Variants in CNTN5 observed in about 807,000 individuals in gnomAD.
CNTN5 encodes the protein contactin 5, also known as contactin-5.
CNTN5 carries 77 observed loss-of-function variants against 129.1 expected under a neutral mutation model. The ratio of observed to expected loss-of-function variants is 0.60; its 90% CI spans 0.50 to 0.72. The LOEUF (loss-of-function observed/expected upper bound fraction) is 0.72, where lower values mean the gene tolerates loss of function less well. Ranked by LOEUF, CNTN5 falls within the 30% of genes least tolerant of loss-of-function variation. CNTN5 has a pLI of 0.00. For missense variants in CNTN5, 1,478 were observed against 1,328.8 expected, an observed-to-expected ratio of 1.11 and a Z score of -1.75; for synonymous variants, 509 against 465.6, an observed-to-expected ratio of 1.09 and a Z score of -1.20.
chr11:99,787,758 A>G lies in CNTN5; in HGVS notation c.56-31786A>G, dbSNP rs376168506. Among the ~76,000 whole-genome samples the G allele has an allele frequency of 1.8e-4, 28 of 152,160 alleles. No individual in the cohort carries two copies. The South Asian group carries it at 5.4e-3, about 29-fold the overall frequency. On this transcript the variant is annotated intron_variant, in intron 3 of 24. Transcript: ENST00000524871. ...CCAGAACCAGAAAAAAATATATCAGACATGTGCTATACATATAATTAAGCC... is the reference window on the plus strand; with the variant it reads ...CCAGAACCAGAAAAAAATATATCAGGCATGTGCTATACATATAATTAAGCC...
chr11:99,414,143 C>G (rs758842434), intron 2 of CNTN5, among the ~76,000 whole-genome samples: 1 of 152,146 alleles, frequency 6.6e-6, no homozygotes, highest in African/African-American at 2.4e-5. Context: ...ATCAGGAAAC[C>G]TGTTATATAT....
At chr11:99,921,144 T>C (rs1332910827) in intron 7 of CNTN5, among the ~76,000 whole-genome samples, 2 of 152,178 alleles carry the variant, frequency 1.3e-5, no homozygotes, top group Non-Finnish European at 2.9e-5. Flanking sequence ...GTTTAAGTCA[T>C]CCAGTCTGTG....
chr11:99,716,956 A>G (rs1352798573), intron 3 of CNTN5, among the ~76,000 whole-genome samples: 1 of 152,110 alleles, frequency 6.6e-6, no homozygotes, highest in Non-Finnish European at 1.5e-5. Flanking sequence ...CAGGGGAGCA[A>G]CTAAGTGAAT....
At chr11:100,026,137 T>C (rs938944635) in intron 9 of CNTN5, among the ~76,000 whole-genome samples, 1 of 152,132 alleles carries the variant, frequency 6.6e-6, no homozygotes, top group African/African-American at 2.4e-5. Flanking sequence ...AACTGAATCA[T>C]TGAGGACCAT....
chr11:99,138,427 G>C lies in CNTN5; in HGVS notation c.-210+117157G>C, dbSNP rs150216177. Among the ~76,000 whole-genome samples the C allele has an allele frequency of 8.0e-3, 1,217 of 152,208 alleles. 10 individuals are homozygous for C. The highest frequency in any genetic ancestry group is 0.013 in the Non-Finnish European group (892 of 67,990). On this transcript the variant is annotated intron_variant, in intron 1 of 24. Transcript: ENST00000524871. Reference sequence around the variant, plus strand: ...TGGGAGTGAGTGATTTTTAAAAATGGTATGTATAAACCCAGGTGCATTTTT... The same window carrying C: ...TGGGAGTGAGTGATTTTTAAAAATGCTATGTATAAACCCAGGTGCATTTTT...
At chr11:99,303,442 C>G (rs1864731792) in intron 1 of CNTN5, among the ~76,000 whole-genome samples, 1 of 150,888 alleles carries the variant, frequency 6.6e-6, no homozygotes, top group South Asian at 2.1e-4. Flanking sequence ...TATCTTCAAA[C>G]CAATTTAATG....
chr11:99,293,365 G>A (rs1307129200), intron 1 of CNTN5, among the ~76,000 whole-genome samples: 2 of 151,958 alleles, frequency 1.3e-5, no homozygotes, highest in African/African-American at 4.8e-5. Flanking sequence ...ATCTATCTTC[G>A]TCAGGGATAT....
In CNTN5 at chr11:99,971,660, A is replaced by C. The variant is rs544651471; in HGVS notation, c.877+14651A>C. 1.4e-4 allele frequency among the ~76,000 whole-genome samples: 21 copies of C among 152,108 alleles called. No individual in the cohort carries two copies. In the East Asian group the frequency reaches 4.1e-3, roughly 29 times the overall value. On this transcript the variant is annotated intron_variant, in intron 8 of 24. Coordinates refer to ENST00000524871, the MANE Select transcript of CNTN5 (RefSeq NM_014361.4). Reference sequence around the variant, plus strand: ...TGCCAACACATAGCTTCCCGTATCTAAGGTATTTCGCTACCCATGAGAAAA... The same window carrying C: ...TGCCAACACATAGCTTCCCGTATCTCAGGTATTTCGCTACCCATGAGAAAA...
intron 3 of CNTN5, among the ~76,000 whole-genome samples, chr11:99,571,687 AC>A (rs143120237): frequency 0.022 from 3,284 of 152,222 alleles, 102 homozygotes; most frequent in African/African-American, 0.074. Context: ...GATACAAATG[AC>A]TTAGGAGGGA....
In CNTN5 at chr11:100,061,215, C is replaced by A. The variant is rs199969666; in HGVS notation, c.984C>A (p.Pro328=). ...GTATTTTTGTTCCCTATCGTAGCCC[C>A]GTTCCAACAATCACATGGATGAAGG... ...VKMECFALGN[P]VPTITWMKVN... Residue 328 remains proline (P), a synonymous_variant, in exon 10 of 25, where the codon CCC becomes CCA. Coordinates refer to ENST00000524871, the MANE Select transcript of CNTN5 (RefSeq NM_014361.4). 1.2e-6 allele frequency: 2 copies of A among 1,606,582 alleles called. No homozygotes were observed. Among genetic ancestry groups the A allele is most frequent in the South Asian group, 1.1e-5 (1 of 90,698 alleles).
chr11:99,708,430 A>T (rs1263735372), intron 3 of CNTN5, among the ~76,000 whole-genome samples: 1 of 151,648 alleles, frequency 6.6e-6, no homozygotes, highest in Admixed American at 6.6e-5. Context: ...GTCACAGTCA[A>T]TCAGTCAACA....
At chr11:100,193,284 G>A (rs1948545901) in intron 14 of CNTN5, among the ~76,000 whole-genome samples, 2 of 151,848 alleles carry the variant, frequency 1.3e-5, no homozygotes, top group Admixed American at 6.6e-5. Context: ...AGGAACAGAG[G>A]CTCTTAAATC....
intron 6 of CNTN5, among the ~76,000 whole-genome samples, chr11:99,872,471 T>C (rs901975045): frequency 2.0e-5 from 3 of 152,152 alleles, no homozygotes; most frequent in Non-Finnish European, 4.4e-5. Context: ...AGGAAGTTTC[T>C]TGCCTCATTC....
intron 1 of CNTN5, among the ~76,000 whole-genome samples, chr11:99,183,800 C>T (rs1341972849): frequency 4.6e-5 from 7 of 152,084 alleles, no homozygotes; most frequent in Non-Finnish European, 8.8e-5. Context: ...TAACTTCTTA[C>T]TAGATATTTA....
intron 1 of CNTN5, among the ~76,000 whole-genome samples, chr11:99,251,912 A>C (rs1466753431): frequency 1.3e-5 from 2 of 152,010 alleles, no homozygotes; most frequent in Non-Finnish European, 2.9e-5. Context: ...TTTAATATGG[A>C]ATTATTTTAG....
chr11:99,054,374 T>C (rs941966212), intron 1 of CNTN5, among the ~76,000 whole-genome samples: 2 of 151,966 alleles, frequency 1.3e-5, no homozygotes, highest in African/African-American at 4.8e-5. Flanking sequence ...ATGAAGAGGC[T>C]GATTCAGCGG....
In CNTN5 at chr11:100,205,327, G is replaced by T. The variant is rs577653554; in HGVS notation, c.1884+11664G>T. ...TCAGAATCCTCTAGTTTCTTTCATG[G>T]ACTATTTTTATCATATTACAGCACA... On this transcript the variant is annotated intron_variant, in intron 15 of 24. Coordinates refer to ENST00000524871, the MANE Select transcript of CNTN5 (RefSeq NM_014361.4). Among the ~76,000 whole-genome samples the T allele has an allele frequency of 3.6e-4, 54 of 152,044 alleles. No homozygotes were observed. In the South Asian group the frequency reaches 9.6e-3, roughly 27 times the overall value.
rs182833384 is a variant in CNTN5, at chr11:99,433,221, G to T, written c.-71+107737G>T. ...TACAGCAGAGAAAGCAAGGTCCTCT[G>T]GGGAGAACCCAATCTTGTTTAGAAG... On this transcript the variant is annotated intron_variant, in intron 2 of 24. Transcript: ENST00000524871. Among the ~76,000 whole-genome samples, 90 of 152,166 alleles carry T rather than the reference G, an allele frequency of 5.9e-4. 1 individual carries two copies. Among genetic ancestry groups the T allele is most frequent in the African/African-American group, 1.8e-3 (76 of 41,526 alleles).
chr11:99,038,144 G>T (rs1267729554), intron 1 of CNTN5, among the ~76,000 whole-genome samples: 1 of 152,080 alleles, frequency 6.6e-6, no homozygotes, highest in Non-Finnish European at 1.5e-5. Flanking sequence ...TCTCAGTTAA[G>T]TTGTTATAGG....
Sources: gnomAD v4.1 joint callset for allele counts (sites outside exome capture counted in the v4.1 genomes callset) on GRCh38, gnomAD v4.1.1 for gene constraint, MANE v1.5 for transcripts, NCBI Gene and HGNC (gene_info 2026-07-23, HGNC 2026-07-21) for gene names.